ITPKB: variants seen among roughly 807,000 people sequenced by gnomAD.
ITPKB encodes the protein inositol-trisphosphate 3-kinase B.
ITPKB carries 13 observed loss-of-function variants against 69.4 expected under a neutral mutation model. That is an observed-to-expected ratio of 0.19 (90% CI 0.12 to 0.30). The LOEUF is 0.30. Among genes scored for constraint, ITPKB ranks in the 10% least tolerant of loss-of-function variants. The pLI, the probability that ITPKB is intolerant of heterozygous loss-of-function variation, is 1.00. For synonymous variants in ITPKB, 584 were observed against 513.7 expected (o/e 1.14, Z -1.85); for missense variants, 1,240 against 1,250.5 (o/e 0.99, Z 0.13).
chr1:226,656,954 T>A (rs1669303447), intron 2 of ITPKB: 1 of 152,270 alleles, frequency 6.6e-6, no homozygotes, highest in Non-Finnish European at 1.5e-5. Flanking sequence ...GTCTATTTTC[T>A]TAAATTGAAA....
chr1:226,661,285 A>G (rs2102757448), intron 2 of ITPKB, among the ~76,000 whole-genome samples: 1 of 152,350 alleles, frequency 6.6e-6, no homozygotes, highest in Middle Eastern at 3.4e-3. Flanking sequence ...AGTTCAAGAA[A>G]TAGCTCGTGT....
rs1657737807 is a variant in ITPKB, at chr1:226,735,914, T to C, written c.1545A>G (p.Lys515=). The C allele has an allele frequency of 8.1e-6, 13 of 1,613,614 alleles. No individual in the cohort carries two copies. The highest frequency in any genetic ancestry group is 1.0e-5 in the Non-Finnish European group (12 of 1,179,728). The change falls in exon 2 of 8, where the codon AAA becomes AAG. Residue 515 remains lysine, a synonymous_variant. Transcript: ENST00000429204. ...NSRVWQGTME[K]AGLAWTRGTG... ...TGCCACGCGTCCAAGCCAAACCGGC[T>C]TTCTCCATGGTGCCCTGCCAAACCC...
intron 2 of ITPKB, among the ~76,000 whole-genome samples, chr1:226,731,279 A>G (rs546966972): frequency 4.6e-5 from 7 of 152,344 alleles, no homozygotes; most frequent in African/African-American, 1.7e-4. Flanking sequence ...AGCTGTCTCT[A>G]CCACCAGACT....
At chr1:226,700,370 G>T (rs767384782) in intron 2 of ITPKB, among the ~76,000 whole-genome samples, 11 of 149,444 alleles carry the variant, frequency 7.4e-5, no homozygotes, top group Non-Finnish European at 1.3e-4. Context: ...TCGGGAGGCT[G>T]AGACAGGGGA....
Position 226,637,758 on chromosome 1 carries a change from T to C in ITPKB, c.2554-8A>G. ...CCGGTCCCGATAGGCGATCTGGGAA[T>C]AGAAAGAGGACCAGATTTTTAAGCG... On this transcript the variant is annotated splice_polypyrimidine_tract_variant and splice_region_variant and intron_variant, in intron 6 of 7. Coordinates refer to ENST00000429204, the MANE Select transcript of ITPKB (RefSeq NM_002221.4). This position sits in a 1 kb window ranked among gnomAD's most constrained non-coding sequence, Gnocchi z 4.3. 6.2e-7 allele frequency: 1 copy of C among 1,611,628 alleles called. No individual in the cohort carries two copies. The highest frequency in any genetic ancestry group is 8.5e-7 in the Non-Finnish European group (1 of 1,178,030).
In ITPKB at chr1:226,735,614, T is replaced by C; in HGVS notation, c.1845A>G (p.Ser615=). 6.2e-7 allele frequency: 1 copy of C among 1,609,130 alleles called. No homozygotes were observed. Among genetic ancestry groups the C allele is most frequent in the East Asian group, 2.2e-5 (1 of 44,812 alleles). ...STGFSSSYED[S]EEDISSDPER... ...CAGGGTCACTGGAGATGTCCTCCTC[T>C]GAGTCTTCGTAGGATGAGGAGAAGC... is the stretch of plus-strand genomic sequence containing the variant. Residue 615 remains serine, a synonymous_variant, in exon 2 of 8, where the codon TCA becomes TCG. Transcript: ENST00000429204.
chr1:226,693,151 T>G (rs1392030827), intron 2 of ITPKB, among the ~76,000 whole-genome samples: 1 of 152,210 alleles, frequency 6.6e-6, no homozygotes, highest in Non-Finnish European at 1.5e-5. Flanking sequence ...CTGGTCAACT[T>G]CGGTGAGCAG....
intron 2 of ITPKB, among the ~76,000 whole-genome samples, chr1:226,711,623 A>C (rs758829651): frequency 2.6e-5 from 4 of 152,190 alleles, no homozygotes; most frequent in Non-Finnish European, 4.4e-5. Flanking sequence ...GGAAATTGCA[A>C]GGAACCAACG....
intron 7 of ITPKB, among the ~76,000 whole-genome samples, chr1:226,635,164 C>A (rs1472815136): frequency 6.6e-6 from 1 of 151,936 alleles, no homozygotes; most frequent in Non-Finnish European, 1.5e-5. Flanking sequence ...ACTTTCCACT[C>A]CTTCCCTCCC....
At chr1:226,732,063 TCACTC>T (rs1327260481) in intron 2 of ITPKB, among the ~76,000 whole-genome samples, 2 of 141,140 alleles carry the variant, frequency 1.4e-5, no homozygotes, top group Non-Finnish European at 3.0e-5. Context: ...AGTTCGTTTT[TCACTC>T]AGAAAAAAAA....
chr1:226,642,777 C>G lies in ITPKB; in HGVS notation c.2247-652G>C, dbSNP rs1363393699. On this transcript the variant is annotated intron_variant, in intron 4 of 7. Transcript: ENST00000429204. The surrounding 1 kb of genome is among the most constrained non-coding windows in gnomAD (Gnocchi z 6.4). ...AAGCGAGGGCTTCCAAAGCCAGAACCTGTCCTGGTGGGAGAAGTGGTCTGT... is the reference window on the plus strand; with the variant it reads ...AAGCGAGGGCTTCCAAAGCCAGAACGTGTCCTGGTGGGAGAAGTGGTCTGT... Among the ~76,000 whole-genome samples the G allele has an allele frequency of 6.6e-6, 1 of 152,184 alleles. No individual in the cohort carries two copies. Among genetic ancestry groups the G allele is most frequent in the African/African-American group, 2.4e-5 (1 of 41,442 alleles).
At chr1:226,669,926 T>C (rs1485979422) in intron 2 of ITPKB, among the ~76,000 whole-genome samples, 2 of 150,514 alleles carry the variant, frequency 1.3e-5, no homozygotes, top group East Asian at 1.9e-4. Context: ...CAGGCTGGAG[T>C]GCAGCTGCAC....
chr1:226,660,717 A>T (rs1669387864), intron 2 of ITPKB, among the ~76,000 whole-genome samples: 1 of 152,192 alleles, frequency 6.6e-6, no homozygotes, highest in Non-Finnish European at 1.5e-5. Context: ...CTGGGCCCGG[A>T]GGCTAGGAGG....
chr1:226,649,863 A>AAC (rs1553317107), intron 2 of ITPKB, among the ~76,000 whole-genome samples: 5 of 150,406 alleles, frequency 3.3e-5, no homozygotes, highest in South Asian at 2.1e-4. Flanking sequence ...CAAAAAAAAA[A>AAC]CATATTTTTA....
In ITPKB at chr1:226,739,142, A is replaced by G. The variant is rs561162556; in HGVS notation, c.-307T>C. 9.5e-4 allele frequency: 144 copies of G among 152,146 alleles called. No homozygotes were observed. Among genetic ancestry groups the G allele is most frequent in the African/African-American group, 3.3e-3 (137 of 41,514 alleles). 9.4% of individuals were successfully genotyped at this position (152,146 alleles called of 1,614,324 possible). ...TTAAAAGTAAAAATGCTCAGAAATT[A>G]TTTTCTCACAAGCTATGGAAGACAA... is the stretch of plus-strand genomic sequence containing the variant. On this transcript the variant is annotated 5_prime_UTR_variant, in exon 1 of 8. Transcript: ENST00000429204.
intron 2 of ITPKB, among the ~76,000 whole-genome samples, chr1:226,678,708 TA>T (rs1655986854): frequency 6.6e-6 from 1 of 152,218 alleles, no homozygotes; most frequent in Non-Finnish European, 1.5e-5. Flanking sequence ...GAGAATTATC[TA>T]TTCCAAAAGG....
intron 3 of ITPKB, among the ~76,000 whole-genome samples, chr1:226,647,612 T>G (rs1444216460): frequency 1.3e-5 from 2 of 152,210 alleles, no homozygotes; most frequent in African/African-American, 4.8e-5. Flanking sequence ...TCCAGACTCC[T>G]CCTCACCAGT....
chr1:226,698,921 G>C (rs1420866097), intron 2 of ITPKB, among the ~76,000 whole-genome samples: 1 of 152,252 alleles, frequency 6.6e-6, no homozygotes, highest in Non-Finnish European at 1.5e-5. Context: ...GCTGGGCAGT[G>C]CAAGAAAGAA....
rs1415939415 is a variant in ITPKB, at chr1:226,737,404, C to T, written c.55G>A (p.Glu19Lys). Residue 19 changes from glutamate to lysine, a missense_variant, in exon 2 of 8, where the codon GAG becomes AAG. By Grantham distance (56) the Glu-to-Lys change is moderately conservative. This residue lies in a region of ITPKB where 992 missense variants were observed against 853.8 expected (regional missense o/e 1.16). Transcript: ENST00000429204. ...NSLVIMNSAN[E>K]MKSGGGPGPS... ...CCCGGGCCGCCGCCGCTCTTCATCT[C>T]GTTGGCGCTATTCATGATCACCAGG... The T allele has an allele frequency of 2.5e-6, 4 of 1,611,374 alleles. No individual in the cohort carries two copies. The highest frequency in any genetic ancestry group is 3.4e-6 in the Non-Finnish European group (4 of 1,179,610).
Sources: allele counts gnomAD v4.1 joint callset (sites outside exome capture counted in the v4.1 genomes callset), GRCh38; gene constraint gnomAD v4.1.1; regional missense constraint gnomAD v4.1.1; non-coding constraint Gnocchi (gnomAD v3.1); transcripts MANE v1.5; gene names NCBI Gene and HGNC (gene_info 2026-07-23, HGNC 2026-07-21).